Variants in BANK1 observed in about 807,000 individuals in gnomAD.
BANK1 encodes B cell scaffold protein with ankyrin repeats 1.
Under a neutral mutation model 94.5 loss-of-function variants are expected in BANK1, and 95 were observed. The observed-to-expected ratio is 1.00, with a 90% CI of 0.85 to 1.19. BANK1 has a LOEUF of 1.19. Among genes scored for constraint, BANK1 ranks in the 50% most tolerant of loss-of-function variants. BANK1 has a pLI of 0.00. For missense variants in BANK1, 987 were observed against 932.2 expected (o/e 1.06, Z -0.77); for synonymous variants, 334 against 308.4 (o/e 1.08, Z -0.87).
At chr4:102,047,233 C>T (rs1428981256) in intron 11 of BANK1, among the ~76,000 whole-genome samples, 1 of 152,128 alleles carries the variant, frequency 6.6e-6, no homozygotes, top group Non-Finnish European at 1.5e-5. Flanking sequence ...CTTCAAGTGG[C>T]ATTTTTTCAC....
At chr4:101,949,824 A>G (rs1375717307) in intron 7 of BANK1, among the ~76,000 whole-genome samples, 1 of 152,160 alleles carries the variant, frequency 6.6e-6, no homozygotes, top group African/African-American at 2.4e-5. Context: ...GTTAATTGAA[A>G]TTGAGCCTAA....
In BANK1 at chr4:102,051,907, T is replaced by G. The variant is rs17031964; in HGVS notation, c.1969+8000T>G. On this transcript the variant is annotated intron_variant, in intron 11 of 16. Coordinates refer to ENST00000322953, the MANE Select transcript of BANK1 (RefSeq NM_017935.5). ...AAATTTATGCATGGACTTAGATACA[T>G]AGTGCCAGGGAATCATGTCCCGCCT... Among the ~76,000 whole-genome samples the G allele has an allele frequency of 4.1e-3, 623 of 152,162 alleles. 4 individuals are homozygous for G. The highest frequency in any genetic ancestry group is 0.014 in the African/African-American group (582 of 41,512).
intron 7 of BANK1, among the ~76,000 whole-genome samples, chr4:101,933,707 G>C (rs992471537): frequency 2.6e-5 from 4 of 151,536 alleles, no homozygotes; most frequent in Non-Finnish European, 5.9e-5. Context: ...CATCAACTGT[G>C]TAGCAGTGGA....
chr4:101,936,312 T>C (rs541341246), intron 7 of BANK1, among the ~76,000 whole-genome samples: 50 of 150,544 alleles, frequency 3.3e-4, no homozygotes, highest in South Asian at 1.7e-3. Context: ...CATGCATATG[T>C]ACACATATGT....
rs534314590 is a variant in BANK1 at position 101,863,092 on chromosome 4, G to A, written c.763+428G>A. Among the ~76,000 whole-genome samples, 172 of 151,488 alleles carry A rather than the reference G, an allele frequency of 1.1e-3. 1 individual carries two copies. Among genetic ancestry groups the A allele is most frequent in the African/African-American group, 4.0e-3 (164 of 41,308 alleles). ...TGGTATATTTTTGTTACTCTGAAAA[G>A]CATTTTTTCCCATTATTTTATCAGT... is the stretch of plus-strand genomic sequence containing the variant. On this transcript the variant is annotated intron_variant, in intron 4 of 16. Coordinates refer to ENST00000322953, the MANE Select transcript of BANK1 (RefSeq NM_017935.5).
chr4:102,020,910 T>C (rs1414998503), intron 7 of BANK1, among the ~76,000 whole-genome samples: 1 of 152,116 alleles, frequency 6.6e-6, no homozygotes, highest in African/African-American at 2.4e-5. Flanking sequence ...AAACTCCATG[T>C]CTCTTTAGAG....
chr4:102,067,042 A>G lies in BANK1; in HGVS notation c.2212+3904A>G, dbSNP rs1004072382. Among the ~76,000 whole-genome samples the G allele has an allele frequency of 1.6e-4, 25 of 152,270 alleles. No individual in the cohort carries two copies. The Middle Eastern group carries it at 0.01, about 62-fold the overall frequency. On this transcript the variant is annotated intron_variant, in intron 13 of 16. Transcript: ENST00000322953. ...GTAAAGTAAGCAGTCTGATGTGTCA[A>G]CTATAAGGCATGAAGTACTAAGGGG...
intron 7 of BANK1, among the ~76,000 whole-genome samples, chr4:101,979,204 A>G (rs1725242435): frequency 6.6e-6 from 1 of 151,986 alleles, no homozygotes; most frequent in Non-Finnish European, 1.5e-5. Context: ...TCTGAAAAGA[A>G]TGGTAGCATT....
At chr4:102,042,078 C>T (rs971024859) in intron 10 of BANK1, among the ~76,000 whole-genome samples, 8 of 151,922 alleles carry the variant, frequency 5.3e-5, no homozygotes, top group Admixed American at 3.3e-4. Flanking sequence ...ATATGAATGA[C>T]GCCAGCTTTT....
intron 5 of BANK1, among the ~76,000 whole-genome samples, chr4:101,879,532 T>C (rs1013260339): frequency 6.6e-6 from 1 of 152,058 alleles, no homozygotes; most frequent in Non-Finnish European, 1.5e-5. Flanking sequence ...GAAGGTTGAA[T>C]ACTAATCCTA....
At chr4:101,871,600 T>G (rs1728290231) in intron 5 of BANK1, among the ~76,000 whole-genome samples, 1 of 152,142 alleles carries the variant, frequency 6.6e-6, no homozygotes, top group Non-Finnish European at 1.5e-5. Flanking sequence ...AGACAGGTAG[T>G]GAAATAACAT....
chr4:102,012,895 A>G (rs894161766), intron 7 of BANK1, among the ~76,000 whole-genome samples: 1 of 152,142 alleles, frequency 6.6e-6, no homozygotes, highest in East Asian at 1.9e-4. Context: ...ACTAACTTCA[A>G]TCTGCCAACC....
At chr4:102,035,625 G>T (rs1167843431) in intron 10 of BANK1, among the ~76,000 whole-genome samples, 3 of 143,898 alleles carry the variant, frequency 2.1e-5, no homozygotes, top group Non-Finnish European at 4.5e-5. Flanking sequence ...TCCAGCCTGG[G>T]TGACAGAGCG....
chr4:101,923,896 T>C (rs1208291309), intron 7 of BANK1, among the ~76,000 whole-genome samples: 2 of 151,812 alleles, frequency 1.3e-5, no homozygotes, highest in Non-Finnish European at 2.9e-5. Context: ...ACATTTGATA[T>C]GGGATTTTGG....
At chr4:102,028,916 T>C (rs1189834826) in intron 9 of BANK1, among the ~76,000 whole-genome samples, 1 of 152,006 alleles carries the variant, frequency 6.6e-6, no homozygotes, top group African/African-American at 2.4e-5. Context: ...GTTTTTTTTT[T>C]GTTTGTTTTT....
intron 10 of BANK1, among the ~76,000 whole-genome samples, chr4:102,039,116 C>A (rs1253842052): frequency 6.6e-6 from 1 of 152,110 alleles, no homozygotes; most frequent in Non-Finnish European, 1.5e-5. Context: ...AATAATGCCA[C>A]AACTCCACCT....
chr4:101,852,503 TAC>T (rs77031530), intron 2 of BANK1, among the ~76,000 whole-genome samples: 3,875 of 79,752 alleles, frequency 0.049, 98 homozygotes, highest in South Asian at 0.12. Flanking sequence ...TATATATATA[TAC>T]ACACACACAT....
At chr4:101,910,951 A>C (rs1475827655) in intron 6 of BANK1, among the ~76,000 whole-genome samples, 1 of 152,188 alleles carries the variant, frequency 6.6e-6, no homozygotes, top group Non-Finnish European at 1.5e-5. Context: ...TACAAAAATA[A>C]GTGCCATGAA....
At chr4:101,805,556 GATAA>G (rs1215149497) in intron 1 of BANK1, among the ~76,000 whole-genome samples, 7 of 150,658 alleles carry the variant, frequency 4.6e-5, no homozygotes, top group South Asian at 2.1e-4. Context: ...AACAGCCTCA[GATAA>G]ATAAATAATA....
Sources: allele counts gnomAD v4.1 joint callset (sites outside exome capture counted in the v4.1 genomes callset), GRCh38; gene constraint gnomAD v4.1.1; transcripts MANE v1.5; gene names NCBI Gene and HGNC (gene_info 2026-07-23, HGNC 2026-07-21).